The following ZIC4 variants were observed in gnomAD, a reference collection of about 807,000 sequenced individuals.
The protein encoded by ZIC4 is Zic family zinc finger 4.
ZIC4 carries 15 observed loss-of-function variants against 28.8 expected under a neutral mutation model. The ratio of observed to expected loss-of-function variants is 0.52; its 90% CI spans 0.35 to 0.80. The LOEUF (loss-of-function observed/expected upper bound fraction) is 0.80. Ranked by LOEUF, ZIC4 falls within the 30% of genes least tolerant of loss-of-function variation. The pLI, the probability that ZIC4 is intolerant of heterozygous loss-of-function variation, is 0.01. For synonymous variants in ZIC4, 220 were observed against 198.1 expected (o/e 1.11, Z -0.93); for missense variants, 512 against 467.1 (o/e 1.10, Z -0.89).
intron 2 of ZIC4, among the ~76,000 whole-genome samples, chr3:147,401,714 T>G (rs1025069072): frequency 3.3e-5 from 5 of 151,886 alleles, no homozygotes; most frequent in African/African-American, 1.2e-4. Flanking sequence ...GTTAGGATTT[T>G]GGCAATAAAA....
intron 1 of ZIC4, chr3:147,405,442 T>C (rs2087255036): frequency 6.5e-7 from 1 of 1,537,120 alleles, no homozygotes; most frequent in African/African-American, 1.4e-5. Context: ...GCCCCTCCGC[T>C]TTCCTAAGAC....
Position 147,391,207 on chromosome 3 carries a change from C to G in ZIC4, c.728G>C (p.Arg243Pro). The stretch of plus-strand genomic sequence containing the variant: ...ACGGTCGCTGCTGTTGGCGAAGCGC[C>G]GCTCGCAGCCCTCGAACTCGCATCT... Reference protein sequence around the residue: ...PFRCEFEGCERRFANSSDRKK... With the variant: ...PFRCEFEGCEPRFANSSDRKK... Residue 243 changes from arginine (R) to proline (P), a missense_variant, in exon 4 of 5, where the codon CGG (arginine) becomes CCG (proline). By Grantham distance (103) the Arg-to-Pro change is moderately radical. This residue lies in a region of ZIC4 where 58 missense variants were observed against 93.8 expected (regional missense o/e 0.62). Coordinates refer to ENST00000383075, the MANE Select transcript of ZIC4 (RefSeq NM_032153.6). 6.2e-7 allele frequency: 1 copy of G among 1,605,052 alleles called. No homozygotes were observed. Among genetic ancestry groups the G allele is most frequent in the Non-Finnish European group, 8.5e-7 (1 of 1,173,120 alleles).
rs1576455461 is a variant in ZIC4 at position 147,391,324 on chromosome 3, C to G, written c.689-78G>C. 3 of 1,439,654 alleles carry G rather than the reference C, an allele frequency of 2.1e-6. No homozygotes were observed. The East Asian group carries it at 7.4e-5, about 35-fold the overall frequency. The allele number at this position is 1,439,654 out of a possible 1,614,324, so 89.2% of individuals were successfully genotyped here. A position where few individuals can be genotyped will look rare whatever the true frequency, so the allele number is the denominator to read the frequency against. ...GTGCTTGCCACCCTCCCCCATTCGT[C>G]TCTCATTTTCTGGAAAAGAACTACA... On this transcript the variant is annotated intron_variant, in intron 3 of 4. Coordinates refer to ENST00000383075, the MANE Select transcript of ZIC4 (RefSeq NM_032153.6).
chr3:147,396,502 G>T lies in ZIC4; in HGVS notation c.71-33C>A. 2.7e-6 allele frequency: 4 copies of T among 1,496,446 alleles called. No individual in the cohort carries two copies. Among genetic ancestry groups the T allele is most frequent in the Non-Finnish European group, 3.5e-6 (4 of 1,130,202 alleles). The allele number at this position is 1,496,446 out of a possible 1,614,324, so 92.7% of individuals were successfully genotyped here. ...CGAAACAAATAGCGCGCATGAGAAC[G>T]GGTGGCGTGGGCTGCGCGCTCTTCC... On this transcript the variant is annotated intron_variant, in intron 2 of 4. Coordinates refer to ENST00000383075, the MANE Select transcript of ZIC4 (RefSeq NM_032153.6). The surrounding 1 kb of genome is among the most constrained non-coding windows in gnomAD (Gnocchi z 4.2).
At chr3:147,404,814 C>T (rs1374893602) in intron 1 of ZIC4, among the ~76,000 whole-genome samples, 2 of 152,156 alleles carry the variant, frequency 1.3e-5, no homozygotes, top group African/African-American at 4.8e-5. Context: ...ATTGTGGGGC[C>T]GACCTAGCCG....
chr3:147,404,197 G>A, intron 1 of ZIC4: 1 of 1,480,428 alleles, frequency 6.8e-7, no homozygotes, highest in Non-Finnish European at 8.9e-7. Flanking sequence ...TTTGCTTCTG[G>A]GGGAAATGGG....
intron 1 of ZIC4, chr3:147,405,761 G>A: frequency 2.1e-6 from 1 of 485,466 alleles, no homozygotes; most frequent in Non-Finnish European, 3.7e-6. Context: ...GAGCCGCCCT[G>A]AGGTGGACTC....
At chr3:147,391,278 T>C (rs2086912205) in intron 3 of ZIC4, 32 bp from the exon 4 acceptor site, 1 of 1,543,572 alleles carries the variant, frequency 6.5e-7, no homozygotes, top group Non-Finnish European at 8.8e-7. Context: ...CATTAGTGCT[T>C]GTGGGTCGTG....
chr3:147,396,395 C>A lies in ZIC4; in HGVS notation c.145G>T (p.Glu49Ter), dbSNP rs757977562. ...CGGCTGGGGGAGGCCTGGGGAGGCTCCTCGTGGAGGCCCGGGAACACCGAG... is the reference window on the plus strand; with the variant it reads ...CGGCTGGGGGAGGCCTGGGGAGGCTACTCGTGGAGGCCCGGGAACACCGAG... ...SPSVFPGLHE[E>*]PPQASPSRPL... The change falls in exon 3 of 5, where the codon GAG becomes TAG. Residue 49 changes from glutamate to a stop codon, truncating the protein, a stop_gained. Transcript: ENST00000383075. LOFTEE classifies it high-confidence loss of function. This position sits in a 1 kb window ranked among gnomAD's most constrained non-coding sequence, Gnocchi z 4.2. 2.0e-6 allele frequency: 3 copies of A among 1,527,390 alleles called. No individual in the cohort carries two copies. The highest frequency in any genetic ancestry group is 2.2e-5 in the Admixed American group (1 of 45,132). The allele number at this position is 1,527,390 out of a possible 1,614,324, so 94.6% of individuals were successfully genotyped here. A position where few individuals can be genotyped will look rare whatever the true frequency, so the allele number is the denominator to read the frequency against.
chr3:147,401,371 A>G (rs1405401093), intron 2 of ZIC4, among the ~76,000 whole-genome samples: 1 of 152,240 alleles, frequency 6.6e-6, no homozygotes, highest in Non-Finnish European at 1.5e-5. Context: ...AAGCAATGCT[A>G]AATTAAATGA....
intron 3 of ZIC4, 179 bp from the exon 4 acceptor site, chr3:147,391,425 T>C: frequency 4.1e-6 from 3 of 725,554 alleles, no homozygotes; most frequent in Non-Finnish European, 6.5e-6. Flanking sequence ...GCGCCCCCGG[T>C]GCCCTCTCTT....
At chr3:147,400,556 C>T (rs1312089506) in intron 2 of ZIC4, among the ~76,000 whole-genome samples, 1 of 152,170 alleles carries the variant, frequency 6.6e-6, no homozygotes, top group Non-Finnish European at 1.5e-5. Context: ...TTGCAAGTTC[C>T]TTAGAGCTAT....
intron 1 of ZIC4, among the ~76,000 whole-genome samples, chr3:147,404,833 C>G (rs917154758): frequency 3.9e-5 from 6 of 152,194 alleles, no homozygotes; most frequent in African/African-American, 1.4e-4. Context: ...CGGCGCAGGA[C>G]TACCCAAGGT....
intron 1 of ZIC4, among the ~76,000 whole-genome samples, chr3:147,405,140 G>C (rs1273739393): frequency 3.3e-5 from 5 of 152,226 alleles, no homozygotes; most frequent in African/African-American, 1.2e-4. Flanking sequence ...TCATTCTCCT[G>C]TTCTCTAGAG....
At position 147,387,983 on chromosome 3, in the gene ZIC4, A is replaced by C. The variant is rs560015206; in HGVS notation, c.*876T>G. 6.6e-6 allele frequency: 1 copy of C among 152,492 alleles called. No homozygotes were observed. Among genetic ancestry groups the C allele is most frequent in the South Asian group, 2.1e-4 (1 of 4,826 alleles). 9.4% of individuals were successfully genotyped at this position (152,492 alleles called of 1,614,324 possible). A position where few individuals can be genotyped will look rare whatever the true frequency, so the allele number is the denominator to read the frequency against. ...GCTGCTTTAAAATCTTTCACTCCTG[A>C]TCCTGGAGCCTCTTTGGGGTGCAGT... is the stretch of plus-strand genomic sequence containing the variant. On this transcript the variant is annotated 3_prime_UTR_variant, in exon 5 of 5. Coordinates refer to ENST00000383075, the MANE Select transcript of ZIC4 (RefSeq NM_032153.6).
Position 147,396,272 on chromosome 3 carries a change from C to T in ZIC4, c.268G>A (p.Ala90Thr). ...PGPAARSDAL[A>T]AAAALHGYGG... ...TAGCCATGCAGGGCTGCGGCAGCTG[C>T]CAGGGCGTCGCTGCGGGCCGCAGGC... The change falls in exon 3 of 5, where the codon GCA (alanine) becomes ACA (threonine). Residue 90 changes from alanine (A) to threonine (T), a missense_variant. Around this residue, in one of 3 missense-constraint regions of ZIC4, gnomAD observed 310 missense variants for 256.5 expected, o/e 1.21. Transcript: ENST00000383075. This position sits in a 1 kb window ranked among gnomAD's most constrained non-coding sequence, Gnocchi z 4.2. 1 of 1,610,804 alleles carries T rather than the reference C, an allele frequency of 6.2e-7. No homozygotes were observed.
rs747930549 is a variant in ZIC4 at position 147,396,069 on chromosome 3, G to A, written c.471C>T (p.His157=). Residue 157 remains histidine, a synonymous_variant, in exon 3 of 5, where the codon CAC becomes CAT. Transcript: ENST00000383075. This position sits in a 1 kb window ranked among gnomAD's most constrained non-coding sequence, Gnocchi z 4.2. ...GGCCGCCGACGTGCTCCACGGTGACGTGCGTGACCAGCTCGTGCATGGTGC... is the reference window on the plus strand; with the variant it reads ...GGCCGCCGACGTGCTCCACGGTGACATGCGTGACCAGCTCGTGCATGGTGC... ...TFSTMHELVT[H]VTVEHVGGPE... 3 of 1,614,140 alleles carry A rather than the reference G, an allele frequency of 1.9e-6. No homozygotes were observed. Among genetic ancestry groups the A allele is most frequent in the Non-Finnish European group, 2.5e-6 (3 of 1,180,064 alleles).
chr3:147,405,408 C>T (rs1177434948), intron 1 of ZIC4: 2 of 1,537,050 alleles, frequency 1.3e-6, no homozygotes, highest in Non-Finnish European at 1.7e-6. Context: ...AAGACGGTGA[C>T]GGCCGAAGTG....
rs751052595 is a variant in ZIC4, at chr3:147,395,828, CGACA to C, written c.688+20_688+23del. 1.9e-6 allele frequency: 3 copies of C among 1,590,418 alleles called. No individual in the cohort carries two copies. The South Asian group carries it at 3.4e-5, about 18-fold the overall frequency. On this transcript the variant is annotated intron_variant, in intron 3 of 4. Coordinates refer to ENST00000383075, the MANE Select transcript of ZIC4 (RefSeq NM_032153.6). ...CCTGCTTCCCCAGAGGGTCCGCACG[CGACA>C]GACAGCGCCGAATACTGACCTGTGT...
Sources: allele counts gnomAD v4.1 joint callset (sites outside exome capture counted in the v4.1 genomes callset), GRCh38; gene constraint gnomAD v4.1.1; regional missense constraint gnomAD v4.1.1; non-coding constraint Gnocchi (gnomAD v3.1); transcripts MANE v1.5; gene names NCBI Gene and HGNC (gene_info 2026-07-23, HGNC 2026-07-21).